The following KCNK10 variants were observed in gnomAD, a reference collection of about 807,000 sequenced individuals.
The protein encoded by KCNK10 is potassium channel subfamily K member 10.
KCNK10 carries 25 observed loss-of-function variants against 47.7 expected under a neutral mutation model. That is an observed-to-expected ratio of 0.52 (90% CI 0.38 to 0.73). KCNK10 has a LOEUF of 0.73. Ranked by LOEUF, KCNK10 falls within the 30% of genes least tolerant of loss-of-function variation. KCNK10 has a pLI of 0.00. For synonymous variants in KCNK10, 303 were observed against 285.6 expected, an observed-to-expected ratio of 1.06 and a Z score of -0.61; for missense variants, 563 against 714.5, an observed-to-expected ratio of 0.79 and a Z score of 2.42.
intron 4 of KCNK10, among the ~76,000 whole-genome samples, chr14:88,202,353 C>T (rs1483740458): frequency 3.3e-5 from 5 of 152,196 alleles, no homozygotes; most frequent in Admixed American, 3.3e-4. Flanking sequence ...ATAATTTGAA[C>T]ATCCTTCTTT....
At position 88,263,595 on chromosome 14, in the gene KCNK10, A is replaced by G. The variant is rs1887178346; in HGVS notation, c.53-44T>C. Reference sequence around the variant, plus strand: ...GGACAAAGAAGAAGAGAGTTTGTTTATAAATAAATACAAAACGTGTCAGAA... The same window carrying G: ...GGACAAAGAAGAAGAGAGTTTGTTTGTAAATAAATACAAAACGTGTCAGAA... On this transcript the variant is annotated intron_variant, in intron 1 of 6. Transcript: ENST00000319231. 4 of 1,505,482 alleles carry G rather than the reference A, an allele frequency of 2.7e-6. No homozygotes were observed. The Admixed American group carries it at 7.3e-5, about 28-fold the overall frequency. 93.3% of individuals were successfully genotyped at this position (1,505,482 alleles called of 1,614,324 possible).
In KCNK10 at chr14:88,294,216, T is replaced by G. The variant is rs11848131; in HGVS notation, c.52+28531A>C. Among the ~76,000 whole-genome samples, 621 of 152,306 alleles carry G rather than the reference T, an allele frequency of 4.1e-3. 6 individuals are homozygous for G. Among genetic ancestry groups the G allele is most frequent in the African/African-American group, 0.015 (604 of 41,564 alleles). On this transcript the variant is annotated intron_variant, in intron 1 of 6. Transcript: ENST00000319231. ...ACCACCATGATAATTAAAGAATGAG[T>G]ATCTGACCCTAGACAGGCCAATCAG...
intron 1 of KCNK10, among the ~76,000 whole-genome samples, chr14:88,306,742 T>G (rs1007978442): frequency 6.6e-6 from 1 of 152,138 alleles, no homozygotes; most frequent in Admixed American, 6.5e-5. Flanking sequence ...TTCATTACAA[T>G]CTATTATTGA....
At chr14:88,297,488 C>G (rs1033349657) in intron 1 of KCNK10, among the ~76,000 whole-genome samples, 5 of 152,184 alleles carry the variant, frequency 3.3e-5, no homozygotes, top group Admixed American at 6.5e-5. Context: ...TCTCAGGGCA[C>G]AGTTTTGGTT....
At chr14:88,200,027 TTC>T (rs1885050533) in intron 4 of KCNK10, among the ~76,000 whole-genome samples, 1 of 151,350 alleles carries the variant, frequency 6.6e-6, no homozygotes, top group African/African-American at 2.4e-5. Flanking sequence ...TCTTCTTTCC[TTC>T]TTTCTTTCTC....
intron 4 of KCNK10, among the ~76,000 whole-genome samples, chr14:88,214,738 A>G (rs1885566067): frequency 1.3e-5 from 2 of 152,246 alleles, no homozygotes; most frequent in Admixed American, 6.5e-5. Context: ...AAAGAACCAG[A>G]GGCTATGATG....
intron 2 of KCNK10, among the ~76,000 whole-genome samples, chr14:88,251,852 A>G (rs147897269): frequency 6.6e-6 from 1 of 152,260 alleles, no homozygotes; most frequent in Non-Finnish European, 1.5e-5. Context: ...GTCCTCAGCC[A>G]TGGCATGTTG....
intron 4 of KCNK10, among the ~76,000 whole-genome samples, chr14:88,226,052 T>C (rs1369445802): frequency 7.2e-4 from 110 of 152,368 alleles, no homozygotes; most frequent in Non-Finnish European, 1.6e-4. Flanking sequence ...AGCCTGCCCA[T>C]GAGGGCTTCT....
At position 88,227,431 on chromosome 14, in the gene KCNK10, C is replaced by T. The variant is rs1210011587; in HGVS notation, c.625G>A (p.Asp209Asn). ...LFGFLLAGIG[D>N]QLGTIFGKSI... ...TTCCCAAAGATGGTTCCAAGTTGGT[C>T]TCCAATTCCAGCCAATAAGAAACCA... is the stretch of plus-strand genomic sequence containing the variant. Residue 209 changes from aspartate to asparagine, a missense_variant, in exon 4 of 7, where the codon GAC (aspartate) becomes AAC (asparagine). By Grantham distance (23) the Asp-to-Asn change is conservative. Transcript: ENST00000319231. The T allele has an allele frequency of 6.2e-7, 1 of 1,613,696 alleles. No homozygotes were observed. Among genetic ancestry groups the T allele is most frequent in the East Asian group, 2.2e-5 (1 of 44,858 alleles).
At chr14:88,197,517 C>T (rs867619685) in intron 4 of KCNK10, among the ~76,000 whole-genome samples, 8 of 126,394 alleles carry the variant, frequency 6.3e-5, no homozygotes, top group African/African-American at 1.8e-4. Context: ...GAGGTTGCAG[C>T]GAGCCAAGAT....
chr14:88,194,883 G>A (rs1055464640), intron 4 of KCNK10, among the ~76,000 whole-genome samples: 12 of 152,188 alleles, frequency 7.9e-5, no homozygotes, highest in East Asian at 5.8e-4. Flanking sequence ...TAAGAAATGC[G>A]CGTCTTGCAT....
At chr14:88,264,250 A>T (rs974967334) in intron 1 of KCNK10, among the ~76,000 whole-genome samples, 1 of 152,166 alleles carries the variant, frequency 6.6e-6, no homozygotes, top group African/African-American at 2.4e-5. Flanking sequence ...GGGCAATTTC[A>T]TTACTTTGGA....
intron 1 of KCNK10, among the ~76,000 whole-genome samples, chr14:88,286,695 G>T (rs1887768306): frequency 6.6e-6 from 1 of 152,180 alleles, no homozygotes; most frequent in South Asian, 2.1e-4. Flanking sequence ...CTTGGCAGCA[G>T]GCAAGAGAGA....
chr14:88,306,684 G>C (rs1406190617), intron 1 of KCNK10, among the ~76,000 whole-genome samples: 1 of 152,098 alleles, frequency 6.6e-6, no homozygotes, highest in Non-Finnish European at 1.5e-5. Flanking sequence ...CTGGGGCTGG[G>C]GGAGGGGGCA....
In KCNK10 at chr14:88,182,915, G is replaced by A. The variant is rs1884418214; in HGVS notation, c.*2620C>T. 1 of 152,190 alleles carries A rather than the reference G, an allele frequency of 6.6e-6. No individual in the cohort carries two copies. Among genetic ancestry groups the A allele is most frequent in the Non-Finnish European group, 1.5e-5 (1 of 68,030 alleles). The allele number at this position is 152,190 out of a possible 1,614,324, so 9.4% of individuals were successfully genotyped here. ...ACAAAATTTCCAAAACCAAATAAAT[G>A]TACAGTAGGTGTCTGCAGGGGCAAC... On this transcript the variant is annotated 3_prime_UTR_variant, in exon 7 of 7. Transcript: ENST00000319231.
At chr14:88,200,337 G>T (rs1182201119) in intron 4 of KCNK10, among the ~76,000 whole-genome samples, 1 of 152,064 alleles carries the variant, frequency 6.6e-6, no homozygotes, top group Non-Finnish European at 1.5e-5. Flanking sequence ...CTTTCAGAAG[G>T]ATAATTTAAG....
chr14:88,252,664 C>A (rs776955854), intron 2 of KCNK10, among the ~76,000 whole-genome samples: 7 of 152,144 alleles, frequency 4.6e-5, no homozygotes, highest in African/African-American at 1.7e-4. Flanking sequence ...CCTCACATGC[C>A]GCTGCCCACA....
At chr14:88,319,624 C>A (rs1429502377) in intron 1 of KCNK10, among the ~76,000 whole-genome samples, 1 of 152,166 alleles carries the variant, frequency 6.6e-6, no homozygotes, top group Non-Finnish European at 1.5e-5. Context: ...ACTGTCTCCT[C>A]TTCTCCTTCC....
chr14:88,216,160 T>C lies in KCNK10; in HGVS notation c.681+11215A>G, dbSNP rs527297458. Among the ~76,000 whole-genome samples the C allele has an allele frequency of 1.6e-3, 249 of 152,254 alleles. 1 individual carries two copies. Among genetic ancestry groups the C allele is most frequent in the African/African-American group, 5.8e-3 (241 of 41,558 alleles). ...GAGAAATGATCTCATTCCCGGAGTATAAAATCTGCAAAGCCCTCTTTAAGG... is the reference window on the plus strand; with the variant it reads ...GAGAAATGATCTCATTCCCGGAGTACAAAATCTGCAAAGCCCTCTTTAAGG... On this transcript the variant is annotated intron_variant, in intron 4 of 6. Coordinates refer to ENST00000319231, the MANE Select transcript of KCNK10 (RefSeq NM_138317.3).
Sources: allele counts gnomAD v4.1 joint callset (sites outside exome capture counted in the v4.1 genomes callset), GRCh38; gene constraint gnomAD v4.1.1; transcripts MANE v1.5; gene names NCBI Gene and HGNC (gene_info 2026-07-23, HGNC 2026-07-21).